The following COG5 variants were observed in gnomAD, a reference collection of about 807,000 sequenced individuals.
COG5 encodes component of oligomeric golgi complex 5.
In COG5, 86 loss-of-function variants were observed where a neutral mutation model predicts 110.4. The observed-to-expected ratio is 0.78, with a 90% CI of 0.65 to 0.93. The LOEUF is 0.93. Ranked by LOEUF, COG5 falls within the 40% of genes least tolerant of loss-of-function variation. The pLI, the probability that COG5 is intolerant of heterozygous loss-of-function variation, is 0.00. For synonymous variants in COG5, 360 were observed against 334.6 expected (o/e 1.08, Z -0.83); for missense variants, 1,077 against 987.0 (o/e 1.09, Z -1.22).
At chr7:107,407,907 C>T (rs1309754120) in intron 7 of COG5, among the ~76,000 whole-genome samples, 1 of 152,018 alleles carries the variant, frequency 6.6e-6, no homozygotes. Flanking sequence ...AATGGGGTTA[C>T]AGTTTGAGAT....
intron 6 of COG5, among the ~76,000 whole-genome samples, chr7:107,423,092 T>C (rs1030518604): frequency 6.7e-6 from 1 of 148,490 alleles, no homozygotes; most frequent in African/African-American, 2.5e-5. Flanking sequence ...CCTTAATCTT[T>C]GCAATACAAT....
intron 6 of COG5, among the ~76,000 whole-genome samples, chr7:107,516,064 A>C (rs1253072646): frequency 1.3e-5 from 2 of 151,678 alleles, no homozygotes; most frequent in Non-Finnish European, 2.9e-5. Context: ...TCTATGTGAT[A>C]TAACTTAATC....
At chr7:107,440,451 C>A (rs1794639826) in intron 6 of COG5, among the ~76,000 whole-genome samples, 1 of 151,876 alleles carries the variant, frequency 6.6e-6, no homozygotes, top group South Asian at 2.1e-4. Flanking sequence ...ATCTTTGTCC[C>A]AAATATTGTA....
intron 6 of COG5, among the ~76,000 whole-genome samples, chr7:107,500,421 A>C (rs1229408226): frequency 2.6e-5 from 4 of 152,136 alleles, no homozygotes; most frequent in African/African-American, 9.7e-5. Flanking sequence ...AACTTCATAA[A>C]TCTCTGTGTA....
chr7:107,290,695 G>C (rs1806093115), intron 12 of COG5, among the ~76,000 whole-genome samples: 1 of 152,082 alleles, frequency 6.6e-6, no homozygotes, highest in African/African-American at 2.4e-5. Context: ...GGGATTCTTG[G>C]CTCATTTTTT....
At chr7:107,509,240 C>T (rs371548788) in intron 6 of COG5, among the ~76,000 whole-genome samples, 4 of 152,020 alleles carry the variant, frequency 2.6e-5, no homozygotes, top group South Asian at 4.2e-4. Context: ...TCAAGAACTA[C>T]GTGAAGAATG....
chr7:107,228,915 G>C (rs559239250), intron 19 of COG5, among the ~76,000 whole-genome samples: 1 of 152,274 alleles, frequency 6.6e-6, no homozygotes, highest in Non-Finnish European at 1.5e-5. Context: ...TGACAGAAGA[G>C]AGCAAAGCGA....
Position 107,559,360 on chromosome 7 carries a change from A to C in COG5, c.95-1245T>G, listed in dbSNP as rs74301071. ...ATGGTAACCATGTACCAAATCTCCT[A>C]ATGATACAGTAGATACAAGTAAAGC... On this transcript the variant is annotated intron_variant, in intron 1 of 21. Coordinates refer to ENST00000297135, the MANE Select transcript of COG5 (RefSeq NM_006348.5). Among the ~76,000 whole-genome samples, 439 of 152,338 alleles carry C rather than the reference A, an allele frequency of 2.9e-3. 29 individuals carry two copies. In the East Asian group the frequency reaches 0.081, roughly 28 times the overall value.
At chr7:107,364,137 GT>G (rs2129046985) in intron 8 of COG5, among the ~76,000 whole-genome samples, 1 of 152,242 alleles carries the variant, frequency 6.6e-6, no homozygotes, top group Non-Finnish European at 1.5e-5. Context: ...AAATAATTTT[GT>G]TTTCCTGATA....
chr7:107,522,608 A>T (rs1460202529), intron 6 of COG5, among the ~76,000 whole-genome samples: 1 of 152,210 alleles, frequency 6.6e-6, no homozygotes, highest in Non-Finnish European at 1.5e-5. Flanking sequence ...AAAATTTAAG[A>T]AAAGAAGAAA....
chr7:107,469,116 T>C (rs1184740469), intron 6 of COG5, among the ~76,000 whole-genome samples: 1 of 151,470 alleles, frequency 6.6e-6, no homozygotes, highest in African/African-American at 2.4e-5. Flanking sequence ...AAAATGTATC[T>C]ATCTTATAAT....
At chr7:107,295,034 CATAT>C (rs1174827677) in intron 12 of COG5, among the ~76,000 whole-genome samples, 1 of 82,492 alleles carries the variant, frequency 1.2e-5, no homozygotes, top group South Asian at 3.8e-4. Flanking sequence ...TATACACACA[CATAT>C]ACACACACAC....
intron 6 of COG5, among the ~76,000 whole-genome samples, chr7:107,468,076 T>C (rs892375836): frequency 2.6e-5 from 4 of 152,332 alleles, no homozygotes; most frequent in African/African-American, 9.6e-5. Flanking sequence ...AAAAGTTATA[T>C]AGGTAATAAA....
At chr7:107,492,130 A>C (rs934963147) in intron 6 of COG5, among the ~76,000 whole-genome samples, 3 of 151,832 alleles carry the variant, frequency 2.0e-5, no homozygotes, top group Non-Finnish European at 4.4e-5. Flanking sequence ...CAGAAGAGCC[A>C]AAACATAGTA....
intron 11 of COG5, among the ~76,000 whole-genome samples, chr7:107,312,989 A>T (rs1808417488): frequency 6.6e-6 from 1 of 152,170 alleles, no homozygotes; most frequent in East Asian, 1.9e-4. Context: ...AATTAGGTGT[A>T]AATCTTCAAA....
chr7:107,392,038 C>T (rs572671052), intron 7 of COG5, among the ~76,000 whole-genome samples: 1 of 152,252 alleles, frequency 6.6e-6, no homozygotes, highest in South Asian at 2.1e-4. Flanking sequence ...TTGCAGTGAG[C>T]TGAGATTGCG....
chr7:107,532,263 G>C (rs187702728), intron 5 of COG5, among the ~76,000 whole-genome samples: 9 of 152,118 alleles, frequency 5.9e-5, no homozygotes, highest in South Asian at 4.2e-4. Flanking sequence ...CACCATGTTG[G>C]CCAGGCTGAT....
Position 107,372,611 on chromosome 7 carries a change from G to C in COG5, c.819C>G (p.Ser273=). Residue 273 remains serine, a synonymous_variant, in exon 8 of 22, where the codon TCC becomes TCG. Transcript: ENST00000297135. ...ALDIKVLTQP[S]QSAVRGGPGR... ...CATCCATACCTCTCACAGCTGACTGGGAAGGCTGAGTCAAAACTTTTATGT... is the reference window on the plus strand; with the variant it reads ...CATCCATACCTCTCACAGCTGACTGCGAAGGCTGAGTCAAAACTTTTATGT... The C allele has an allele frequency of 6.2e-7, 1 of 1,613,482 alleles. No homozygotes were observed. The highest frequency in any genetic ancestry group is 8.5e-7 in the Non-Finnish European group (1 of 1,179,730).
chr7:107,498,536 C>G (rs1194405946), intron 6 of COG5, among the ~76,000 whole-genome samples: 2 of 152,016 alleles, frequency 1.3e-5, no homozygotes, highest in Non-Finnish European at 2.9e-5. Flanking sequence ...TAATATCTGA[C>G]CAGTCATCAG....
Sources: gnomAD v4.1 joint callset for allele counts (sites outside exome capture counted in the v4.1 genomes callset) on GRCh38, gnomAD v4.1.1 for gene constraint, MANE v1.5 for transcripts, NCBI Gene and HGNC (gene_info 2026-07-23, HGNC 2026-07-21) for gene names.